Variants in ROBO2 observed in about 807,000 individuals in gnomAD.
ROBO2 encodes the protein roundabout homolog 2.
Under a neutral mutation model 160.8 loss-of-function variants are expected in ROBO2, and 53 were observed. That is an observed-to-expected ratio of 0.33 (90% CI 0.26 to 0.41). The LOEUF is 0.41. Ranked by LOEUF, ROBO2 falls within the 10% of genes least tolerant of loss-of-function variation. ROBO2 has a pLI of 1.00. For missense variants in ROBO2, 1,577 were observed against 1,722.4 expected, an observed-to-expected ratio of 0.92 and a Z score of 1.49; for synonymous variants, 664 against 611.7, an observed-to-expected ratio of 1.09 and a Z score of -1.26.
At chr3:76,636,673 A>T (rs923142671) in intron 2 of ROBO2, among the ~76,000 whole-genome samples, 1 of 152,084 alleles carries the variant, frequency 6.6e-6, no homozygotes, top group Non-Finnish European at 1.5e-5. Flanking sequence ...TAAGTCTCTT[A>T]TCAAAGTTGG....
intron 2 of ROBO2, among the ~76,000 whole-genome samples, chr3:75,959,548 T>C (rs1214649233): frequency 6.6e-6 from 1 of 151,822 alleles, no homozygotes; most frequent in Non-Finnish European, 1.5e-5. Context: ...AATTTTTGTT[T>C]GTAGACCACA....
chr3:76,014,841 T>C (rs538669048), intron 2 of ROBO2, among the ~76,000 whole-genome samples: 25 of 152,274 alleles, frequency 1.6e-4, no homozygotes, highest in African/African-American at 6.0e-4. Context: ...GGCAGAAGTA[T>C]TGCTTAGGCC....
intron 2 of ROBO2, among the ~76,000 whole-genome samples, chr3:76,380,067 C>G (rs2076541731): frequency 1.3e-5 from 2 of 151,936 alleles, no homozygotes; most frequent in South Asian, 4.2e-4. Flanking sequence ...AGATTTAATG[C>G]ATATGCCATA....
chr3:77,319,316 C>T (rs2064414261), intron 2 of ROBO2, among the ~76,000 whole-genome samples: 1 of 152,150 alleles, frequency 6.6e-6, no homozygotes, highest in South Asian at 2.1e-4. Flanking sequence ...TTTAATGTCT[C>T]CCTTGCCCAG....
intron 2 of ROBO2, among the ~76,000 whole-genome samples, chr3:76,038,703 C>G (rs955246280): frequency 6.6e-6 from 1 of 151,852 alleles, no homozygotes; most frequent in Non-Finnish European, 1.5e-5. Flanking sequence ...AGACATCCTT[C>G]TTGTTAGTAG....
chr3:77,178,445 C>T (rs747762539), intron 2 of ROBO2, among the ~76,000 whole-genome samples: 2 of 151,996 alleles, frequency 1.3e-5, no homozygotes, highest in Non-Finnish European at 2.9e-5. Context: ...TCATGCTCAA[C>T]AGCAATGATC....
intron 2 of ROBO2, among the ~76,000 whole-genome samples, chr3:76,930,449 A>T (rs776616889): frequency 6.6e-5 from 10 of 152,102 alleles, no homozygotes; most frequent in Non-Finnish European, 1.5e-4. Context: ...AACACTTCCT[A>T]TTCATTTTCC....
At chr3:76,453,620 A>G (rs567864985) in intron 2 of ROBO2, among the ~76,000 whole-genome samples, 7 of 152,302 alleles carry the variant, frequency 4.6e-5, no homozygotes, top group Admixed American at 2.6e-4. Context: ...TGATGCCTCC[A>G]GCTTTGTTCT....
At chr3:77,465,140 T>G (rs1048661344) in intron 2 of ROBO2, among the ~76,000 whole-genome samples, 5 of 151,832 alleles carry the variant, frequency 3.3e-5, no homozygotes, top group Non-Finnish European at 5.9e-5. Flanking sequence ...GTAGACAGTT[T>G]TTAGAGGGAG....
At chr3:76,273,052 A>AT (rs1491160966) in intron 2 of ROBO2, among the ~76,000 whole-genome samples, 2 of 103,758 alleles carry the variant, frequency 1.9e-5, no homozygotes, top group African/African-American at 7.5e-5. Flanking sequence ...TATATTATAT[A>AT]AATATATAAA....
chr3:77,482,665 C>T (rs1412800808), intron 4 of ROBO2, among the ~76,000 whole-genome samples: 1 of 152,072 alleles, frequency 6.6e-6, no homozygotes, highest in Non-Finnish European at 1.5e-5. Context: ...TCAGTTTGCC[C>T]CTACATTTCA....
intron 2 of ROBO2, among the ~76,000 whole-genome samples, chr3:76,702,750 G>T (rs2093073466): frequency 6.6e-6 from 1 of 151,808 alleles, no homozygotes; most frequent in South Asian, 2.1e-4. Flanking sequence ...GGAAGAAAGA[G>T]AAAGAAAAAG....
intron 2 of ROBO2, among the ~76,000 whole-genome samples, chr3:76,808,706 A>C (rs1401433281): frequency 6.6e-6 from 1 of 152,160 alleles, no homozygotes; most frequent in Non-Finnish European, 1.5e-5. Flanking sequence ...TGTTAGAATC[A>C]GACCTGCAGA....
At chr3:77,380,966 C>A (rs2073376134) in intron 2 of ROBO2, among the ~76,000 whole-genome samples, 1 of 152,008 alleles carries the variant, frequency 6.6e-6, no homozygotes, top group Admixed American at 6.6e-5. Flanking sequence ...CCCACCACTA[C>A]CCTTGCTACC....
chr3:76,230,295 A>G (rs1219594661), intron 2 of ROBO2, among the ~76,000 whole-genome samples: 7 of 151,864 alleles, frequency 4.6e-5, no homozygotes, highest in South Asian at 2.1e-4. Context: ...TTATAAAGAC[A>G]TATTTTCTTG....
At chr3:77,518,137 A>G (rs1377008356) in intron 5 of ROBO2, among the ~76,000 whole-genome samples, 1 of 151,506 alleles carries the variant, frequency 6.6e-6, no homozygotes, top group East Asian at 1.9e-4. Flanking sequence ...AAAAGTTATC[A>G]TATGTTATCA....
intron 2 of ROBO2, among the ~76,000 whole-genome samples, chr3:77,237,762 G>A (rs1286503412): frequency 1.3e-5 from 2 of 152,108 alleles, no homozygotes; most frequent in African/African-American, 2.4e-5. Context: ...GCCAAACAGT[G>A]GAATTTCTAC....
chr3:76,473,618 G>A (rs560698552), intron 2 of ROBO2, among the ~76,000 whole-genome samples: 1 of 152,172 alleles, frequency 6.6e-6, no homozygotes, highest in East Asian at 1.9e-4. Flanking sequence ...AATCTGGTGA[G>A]GCGATCATAT....
At chr3:76,907,860 G>GTGT (rs2075718190) in intron 2 of ROBO2, among the ~76,000 whole-genome samples, 1 of 149,372 alleles carries the variant, frequency 6.7e-6, no homozygotes, top group Non-Finnish European at 1.5e-5. Context: ...GTGTGTTTGA[G>GTGT]ATGGAGTCTT....
Sources: gnomAD v4.1 joint callset for allele counts (sites outside exome capture counted in the v4.1 genomes callset) on GRCh38, gnomAD v4.1.1 for gene constraint, MANE v1.5 for transcripts, NCBI Gene and HGNC (gene_info 2026-07-23, HGNC 2026-07-21) for gene names.